WDR19: variants seen among roughly 807,000 people sequenced by gnomAD.
WDR19 encodes the protein WD repeat domain 19.
A neutral mutation model predicts 180.0 loss-of-function variants in WDR19; 121 were observed. That is an observed-to-expected ratio of 0.67 (90% CI 0.58 to 0.78). The LOEUF (loss-of-function observed/expected upper bound fraction) is 0.78. Ranked by LOEUF, WDR19 falls within the 30% of genes least tolerant of loss-of-function variation. The probability of loss-of-function intolerance (pLI) is 0.00; values close to 1 mark genes in which losing one functional copy is unlikely to be tolerated. For synonymous variants in WDR19, 497 were observed against 540.7 expected (o/e 0.92, Z 1.12); for missense variants, 1,450 against 1,640.7 (o/e 0.88, Z 2.01).
intron 36 of WDR19, among the ~76,000 whole-genome samples, chr4:39,281,732 T>G (rs1246194442): frequency 6.6e-6 from 1 of 152,226 alleles, no homozygotes; most frequent in African/African-American, 2.4e-5. Context: ...TCTATGGTTA[T>G]GGGTCAGTAG....
rs1737124447 is a variant in WDR19, at chr4:39,285,642, A to T, written c.*169A>T. ...TTCTGTACGGTGGCAAAACGATGAC[A>T]TGTAACCTTGCTGTTTATTGTACTT... On this transcript the variant is annotated 3_prime_UTR_variant, in exon 37 of 37. Transcript: ENST00000399820. The T allele has an allele frequency of 6.6e-6, 1 of 152,224 alleles. No individual in the cohort carries two copies. The highest frequency in any genetic ancestry group is 2.4e-5 in the African/African-American group (1 of 41,450). The allele number at this position is 152,224 out of a possible 1,614,324, so 9.4% of individuals were successfully genotyped here.
At chr4:39,240,442 G>A in intron 21 of WDR19, 108 bp downstream of exon 21, 1 of 564,502 alleles carries the variant, frequency 1.8e-6, no homozygotes, top group Non-Finnish European at 2.7e-6. Flanking sequence ...TCTAGCAGGT[G>A]AGTGTTTTCT....
At chr4:39,283,616 AAT>A (rs1191278105) in intron 36 of WDR19, among the ~76,000 whole-genome samples, 1 of 152,070 alleles carries the variant, frequency 6.6e-6, no homozygotes, top group Admixed American at 6.6e-5. Context: ...CACACACACA[AAT>A]ATACATATGT....
intron 36 of WDR19, among the ~76,000 whole-genome samples, chr4:39,283,621 A>G (rs1438997391): frequency 1.3e-5 from 2 of 152,138 alleles, no homozygotes; most frequent in African/African-American, 4.8e-5. Context: ...ACACAAATAT[A>G]CATATGTACA....
At chr4:39,279,882 T>C (rs1333826259) in intron 36 of WDR19, among the ~76,000 whole-genome samples, 1 of 151,910 alleles carries the variant, frequency 6.6e-6, no homozygotes, top group African/African-American at 2.4e-5. Flanking sequence ...TTTGTATTTT[T>C]AGTGGAGACG....
At chr4:39,244,639 T>A in intron 23 of WDR19, 87 bp downstream of exon 23, 2 of 1,420,400 alleles carry the variant, frequency 1.4e-6, no homozygotes, top group Admixed American at 1.8e-5. Context: ...TGCCATGCTT[T>A]CTCTCTGTCC....
intron 24 of WDR19, among the ~76,000 whole-genome samples, chr4:39,250,329 A>G (rs150401759): frequency 6.9e-4 from 105 of 152,352 alleles, no homozygotes; most frequent in African/African-American, 2.1e-3. Context: ...AAAGCTCTCA[A>G]TAATTTAGGT....
rs771524421 is a variant in WDR19, at chr4:39,253,307, T to A, written c.2876+15T>A. 6.2e-7 allele frequency: 1 copy of A among 1,601,710 alleles called. No individual in the cohort carries two copies. Among genetic ancestry groups the A allele is most frequent in the Non-Finnish European group, 8.5e-7 (1 of 1,175,966 alleles). Reference sequence around the variant, plus strand: ...ATGGTAGCCAGGTAACATAATACATTAATATTTTTGGACTTTCAAAAACTA... The same window carrying A: ...ATGGTAGCCAGGTAACATAATACATAAATATTTTTGGACTTTCAAAAACTA... On this transcript the variant is annotated intron_variant, in intron 25 of 36. Transcript: ENST00000399820.
rs779635441 is a variant in WDR19 at position 39,270,053 on chromosome 4, G to A, written c.3436G>A (p.Glu1146Lys). 3.4e-5 allele frequency: 55 copies of A among 1,613,688 alleles called. No homozygotes were observed. The highest frequency in any genetic ancestry group is 3.3e-4 in the Middle Eastern group (2 of 6,062). ...LKSQKIKIPS[E>K]MATNLMILHS... The stretch of plus-strand genomic sequence containing the variant: ...ATCCCAGAAGATCAAAATTCCCTCC[G>A]AGATGGCCACCAACCTCATGATTCT... The change falls in exon 31 of 37, where the codon GAG becomes AAG. Residue 1146 changes from glutamate (E) to lysine (K), a missense_variant. By Grantham distance (56) the Glu-to-Lys change is moderately conservative. Coordinates refer to ENST00000399820, the MANE Select transcript of WDR19 (RefSeq NM_025132.4).
chr4:39,265,491 G>A (rs889704295), intron 28 of WDR19, among the ~76,000 whole-genome samples: 1 of 151,858 alleles, frequency 6.6e-6, no homozygotes, highest in African/African-American at 2.4e-5. Context: ...AAACATCCAA[G>A]GGCCAGGCAC....
intron 6 of WDR19, among the ~76,000 whole-genome samples, chr4:39,202,639 A>G (rs1364899560): frequency 6.6e-6 from 1 of 152,122 alleles, no homozygotes; most frequent in African/African-American, 2.4e-5. Flanking sequence ...TACCATTTCT[A>G]GGGTTCTACC....
At chr4:39,222,443 T>C (rs1002037099) in intron 14 of WDR19, among the ~76,000 whole-genome samples, 1 of 152,188 alleles carries the variant, frequency 6.6e-6, no homozygotes, top group Non-Finnish European at 1.5e-5. Flanking sequence ...CAATTTATTT[T>C]TTCATGGATC....
At chr4:39,275,732 G>A (rs561007430) in intron 33 of WDR19, among the ~76,000 whole-genome samples, 1 of 152,288 alleles carries the variant, frequency 6.6e-6, no homozygotes, top group South Asian at 2.1e-4. Context: ...GCTGCTAAGT[G>A]GAAACAAAGT....
intron 1 of WDR19, 131 bp from the exon 2 acceptor site, chr4:39,185,595 A>G (rs1228405454): frequency 2.6e-6 from 2 of 771,474 alleles, no homozygotes; most frequent in African/African-American, 1.7e-5. Context: ...ACTTCTAGAT[A>G]AGCTCTAACA....
At chr4:39,255,038 G>GC (rs1380078309) in intron 26 of WDR19, among the ~76,000 whole-genome samples, 2 of 152,024 alleles carry the variant, frequency 1.3e-5, no homozygotes, top group Non-Finnish European at 2.9e-5. Context: ...ATGACTTCTT[G>GC]CAAAGTTATT....
intron 30 of WDR19, 58 bp downstream of exon 30, chr4:39,268,149 C>A: frequency 6.9e-7 from 1 of 1,450,360 alleles, no homozygotes; most frequent in Non-Finnish European, 9.4e-7. Flanking sequence ...CAAGCCCCAG[C>A]CCCTTTTCTG....
intron 14 of WDR19, among the ~76,000 whole-genome samples, chr4:39,220,240 AAAAAC>A (rs1170293578): frequency 6.6e-6 from 1 of 152,138 alleles, no homozygotes; most frequent in Non-Finnish European, 1.5e-5. Flanking sequence ...AAACAAACAA[AAAAAC>A]AAAAAACAAT....
chr4:39,218,379 G>A lies in WDR19; in HGVS notation c.1479+274G>A, dbSNP rs769431637. ...ACAGCCCACTGCACACCTAGCCTGT[G>A]TGGTAGAGCCTATTGCTCCTAGGCT... On this transcript the variant is annotated intron_variant, in intron 14 of 36. Transcript: ENST00000399820. 33 of 429,888 alleles carry A rather than the reference G, an allele frequency of 7.7e-5. 1 individual carries two copies. The highest frequency in any genetic ancestry group is 1.3e-3 in the Middle Eastern group (2 of 1,542). 26.6% of individuals were successfully genotyped at this position (429,888 alleles called of 1,614,324 possible).
intron 19 of WDR19, 166 bp downstream of exon 19, chr4:39,232,438 A>G: frequency 3.9e-6 from 2 of 510,412 alleles, no homozygotes; most frequent in Non-Finnish European, 6.9e-6. Flanking sequence ...CAGCCTGACC[A>G]ATATGATGAA....
Sources: gnomAD v4.1 joint callset for allele counts (sites outside exome capture counted in the v4.1 genomes callset) on GRCh38, gnomAD v4.1.1 for gene constraint, MANE v1.5 for transcripts, NCBI Gene and HGNC (gene_info 2026-07-23, HGNC 2026-07-21) for gene names.